Variants in CTNNA2 observed in about 807,000 individuals in gnomAD.
CTNNA2 encodes the protein catenin alpha-2.
CTNNA2 carries 42 observed loss-of-function variants against 101.0 expected under a neutral mutation model. The ratio of observed to expected loss-of-function variants is 0.42; its 90% CI spans 0.32 to 0.54. CTNNA2 has a LOEUF of 0.54. Among genes scored for constraint, CTNNA2 ranks in the 20% least tolerant of loss-of-function variants. CTNNA2 has a pLI of 0.14. For missense variants in CTNNA2, 871 were observed against 1,223.1 expected, an observed-to-expected ratio of 0.71 and a Z score of 4.29; for synonymous variants, 450 against 456.4, an observed-to-expected ratio of 0.99 and a Z score of 0.18.
intron 7 of CTNNA2, among the ~76,000 whole-genome samples, chr2:80,362,894 A>ATCC (rs2149319789): frequency 6.6e-6 from 1 of 151,854 alleles, no homozygotes; most frequent in African/African-American, 2.4e-5. Context: ...CTGAGCCAGG[A>ATCC]GGATTGCTTC....
intron 2 of CTNNA2, among the ~76,000 whole-genome samples, chr2:79,251,760 T>G (rs958910255): frequency 6.6e-6 from 1 of 152,146 alleles, no homozygotes; most frequent in African/African-American, 2.4e-5. Flanking sequence ...ACTGCAGCCC[T>G]GGCTGACACC....
intron 7 of CTNNA2, among the ~76,000 whole-genome samples, chr2:80,000,790 G>A (rs1474821798): frequency 6.6e-6 from 1 of 152,152 alleles, no homozygotes; most frequent in Non-Finnish European, 1.5e-5. Flanking sequence ...CTGCATTCCT[G>A]CCTAGGGATT....
intron 9 of CTNNA2, among the ~76,000 whole-genome samples, chr2:80,506,996 C>T (rs1044303586): frequency 6.6e-6 from 1 of 152,116 alleles, no homozygotes; most frequent in African/African-American, 2.4e-5. Context: ...GAGTATTTGG[C>T]ACATCTTAGG....
intron 2 of CTNNA2, among the ~76,000 whole-genome samples, chr2:79,680,735 T>C (rs188135690): frequency 6.6e-6 from 1 of 152,340 alleles, no homozygotes; most frequent in Admixed American, 6.5e-5. Context: ...CTAAAACTGC[T>C]TTCAGTAATG....
At chr2:79,521,235 A>G (rs1216526605) in intron 1 of CTNNA2, among the ~76,000 whole-genome samples, 3 of 149,914 alleles carry the variant, frequency 2.0e-5, no homozygotes, top group East Asian at 2.0e-4. Flanking sequence ...ATTGGAAAAG[A>G]TTTCTAAAAT....
intron 7 of CTNNA2, among the ~76,000 whole-genome samples, chr2:80,114,059 G>T (rs1162230601): frequency 6.6e-6 from 1 of 152,120 alleles, no homozygotes; most frequent in Non-Finnish European, 1.5e-5. Flanking sequence ...TTTCTGATGG[G>T]CACTGAGAGA....
chr2:80,526,911 T>C (rs552704862), intron 9 of CTNNA2, among the ~76,000 whole-genome samples: 1 of 152,126 alleles, frequency 6.6e-6, no homozygotes, highest in Non-Finnish European at 1.5e-5. Context: ...TATGGAGTTT[T>C]AAAAAAAATC....
intron 7 of CTNNA2, among the ~76,000 whole-genome samples, chr2:79,967,599 G>A (rs1341782069): frequency 1.3e-5 from 2 of 152,092 alleles, no homozygotes; most frequent in Admixed American, 6.6e-5. Context: ...TTACCCTGAT[G>A]GATCAACAAG....
rs537645058 is a variant in CTNNA2 at position 80,056,523 on chromosome 2, G to C, written c.1056+146726G>C. On this transcript the variant is annotated intron_variant, in intron 7 of 18. Coordinates refer to ENST00000402739, the MANE Select transcript of CTNNA2 (RefSeq NM_001282597.3). The stretch of plus-strand genomic sequence containing the variant: ...TGGGCATTAGGTAAATATGGTAGGG[G>C]TAAAGGAAAGATAGGGATCAAGCCT... Among the ~76,000 whole-genome samples, 252 of 152,290 alleles carry C rather than the reference G, an allele frequency of 1.7e-3. 2 individuals are homozygous for C. Among genetic ancestry groups the C allele is most frequent in the Middle Eastern group, 6.8e-3 (2 of 294 alleles).
chr2:80,172,734 G>C (rs1370092603), intron 7 of CTNNA2, among the ~76,000 whole-genome samples: 1 of 152,198 alleles, frequency 6.6e-6, no homozygotes, highest in East Asian at 1.9e-4. Flanking sequence ...GTTCCTTGCA[G>C]CTCTTCTAGT....
intron 2 of CTNNA2, among the ~76,000 whole-genome samples, chr2:79,260,547 TA>T (rs1196725463): frequency 6.6e-6 from 1 of 152,198 alleles, no homozygotes; most frequent in African/African-American, 2.4e-5. Flanking sequence ...TTAAGTCATC[TA>T]AGATAATTCT....
At chr2:79,307,093 C>A (rs1170517686) in intron 2 of CTNNA2, among the ~76,000 whole-genome samples, 2 of 145,588 alleles carry the variant, frequency 1.4e-5, no homozygotes, top group Admixed American at 6.8e-5. Context: ...GGTTTTCTAA[C>A]ATTTATTTTA....
chr2:79,883,183 C>G (rs78028770), intron 6 of CTNNA2, among the ~76,000 whole-genome samples: 1 of 152,326 alleles, frequency 6.6e-6, no homozygotes, highest in African/African-American at 2.4e-5. Flanking sequence ...TATTAATAGT[C>G]ACGAGTGTGT....
At chr2:80,213,191 G>T (rs1388999580) in intron 7 of CTNNA2, among the ~76,000 whole-genome samples, 7 of 151,838 alleles carry the variant, frequency 4.6e-5, no homozygotes, top group African/African-American at 1.5e-4. Flanking sequence ...TTTTTTGAAG[G>T]GTTTTTTGTG....
intron 3 of CTNNA2, among the ~76,000 whole-genome samples, chr2:79,800,927 C>G (rs1203367320): frequency 6.6e-6 from 1 of 152,058 alleles, no homozygotes; most frequent in Non-Finnish European, 1.5e-5. Flanking sequence ...AAGAACTGGT[C>G]CTGAAGACTT....
At chr2:79,762,319 G>A (rs760803129) in intron 3 of CTNNA2, among the ~76,000 whole-genome samples, 3 of 151,424 alleles carry the variant, frequency 2.0e-5, no homozygotes, top group Admixed American at 6.6e-5. Context: ...GGAAAGACAC[G>A]GAAAACAAGG....
intron 9 of CTNNA2, among the ~76,000 whole-genome samples, chr2:80,502,678 A>G (rs888428882): frequency 6.6e-6 from 1 of 152,188 alleles, no homozygotes; most frequent in African/African-American, 2.4e-5. Context: ...TCATTTGGTC[A>G]GGATCCAGGC....
intron 2 of CTNNA2, among the ~76,000 whole-genome samples, chr2:79,692,226 T>C (rs1277999311): frequency 6.6e-6 from 1 of 152,110 alleles, no homozygotes; most frequent in Non-Finnish European, 1.5e-5. Context: ...AACAGATCCT[T>C]CTCAAAGGAA....
At chr2:80,535,901 A>G (rs1398418848) in intron 9 of CTNNA2, among the ~76,000 whole-genome samples, 3 of 152,224 alleles carry the variant, frequency 2.0e-5, no homozygotes, top group Admixed American at 6.5e-5. Context: ...AACTCCTACA[A>G]TATTCTTCTG....
Sources: gnomAD v4.1 joint callset for allele counts (sites outside exome capture counted in the v4.1 genomes callset) on GRCh38, gnomAD v4.1.1 for gene constraint, MANE v1.5 for transcripts, NCBI Gene and HGNC (gene_info 2026-07-23, HGNC 2026-07-21) for gene names.